PCDH9: variants seen among roughly 807,000 people sequenced by gnomAD.
PCDH9 encodes protocadherin 9, also known as protocadherin-9.
Under a neutral mutation model 70.6 loss-of-function variants are expected in PCDH9, and 24 were observed. That is an observed-to-expected ratio of 0.34 (90% CI 0.25 to 0.48). The LOEUF is 0.48. Among genes scored for constraint, PCDH9 ranks in the 20% least tolerant of loss-of-function variants. The pLI, the probability that PCDH9 is intolerant of heterozygous loss-of-function variation, is 0.99. For missense variants in PCDH9, 1,281 were observed against 1,503.6 expected, an observed-to-expected ratio of 0.85 and a Z score of 2.45; for synonymous variants, 562 against 558.5, an observed-to-expected ratio of 1.01 and a Z score of -0.09.
intron 2 of PCDH9, among the ~76,000 whole-genome samples, chr13:67,168,972 T>C (rs914012584): frequency 6.6e-6 from 1 of 152,200 alleles, no homozygotes; most frequent in Non-Finnish European, 1.5e-5. Flanking sequence ...CCAGTAGATG[T>C]TTAATAAATG....
chr13:66,855,378 T>C (rs1332333050), intron 3 of PCDH9, among the ~76,000 whole-genome samples: 4 of 152,118 alleles, frequency 2.6e-5, no homozygotes, highest in Non-Finnish European at 5.9e-5. Flanking sequence ...GTTGTAATAA[T>C]GTCTTGATTG....
At chr13:66,904,665 T>C (rs1317530816) in intron 2 of PCDH9, among the ~76,000 whole-genome samples, 2 of 152,122 alleles carry the variant, frequency 1.3e-5, no homozygotes, top group Non-Finnish European at 2.9e-5. Context: ...ACCTTTACTA[T>C]CTCAAAGTAA....
At chr13:66,795,988 C>T (rs4883790) in intron 3 of PCDH9, among the ~76,000 whole-genome samples, 13,700 of 152,162 alleles carry the variant, frequency 0.09, 887 homozygotes, top group East Asian at 0.32. Context: ...GCTGTCTGCA[C>T]GCTGCCTCCT....
chr13:67,047,420 A>C (rs2085244019), intron 2 of PCDH9, among the ~76,000 whole-genome samples: 1 of 152,234 alleles, frequency 6.6e-6, no homozygotes, highest in Non-Finnish European at 1.5e-5. Context: ...TCTCATATAT[A>C]AATAAGTCAC....
At chr13:67,007,510 T>C (rs1308489244) in intron 2 of PCDH9, among the ~76,000 whole-genome samples, 1 of 152,192 alleles carries the variant, frequency 6.6e-6, no homozygotes, top group East Asian at 1.9e-4. Context: ...TTCAGTTGGC[T>C]TTAAAATTCT....
chr13:66,851,119 C>G (rs972453706), intron 3 of PCDH9, among the ~76,000 whole-genome samples: 1 of 152,100 alleles, frequency 6.6e-6, no homozygotes, highest in Admixed American at 6.6e-5. Context: ...TAAAGTATAA[C>G]AAAAGACAGG....
chr13:66,564,587 C>A (rs1318424821), intron 4 of PCDH9, among the ~76,000 whole-genome samples: 115 of 152,076 alleles, frequency 7.6e-4, no homozygotes, highest in Non-Finnish European at 8.8e-5. Flanking sequence ...AAACTAAAAT[C>A]AACAGCCTTC....
intron 4 of PCDH9, among the ~76,000 whole-genome samples, chr13:66,532,480 A>C (rs1376329193): frequency 6.6e-6 from 1 of 152,204 alleles, no homozygotes; most frequent in East Asian, 1.9e-4. Context: ...ATATTTAAAC[A>C]AAAATTCTTG....
intron 2 of PCDH9, among the ~76,000 whole-genome samples, chr13:67,112,843 C>G (rs935407886): frequency 6.6e-6 from 1 of 152,042 alleles, no homozygotes; most frequent in African/African-American, 2.4e-5. Flanking sequence ...CTCAGCTTCC[C>G]GAGTAGCTGG....
chr13:67,153,752 G>A (rs2087722905), intron 2 of PCDH9, among the ~76,000 whole-genome samples: 1 of 152,160 alleles, frequency 6.6e-6, no homozygotes, highest in African/African-American at 2.4e-5. Flanking sequence ...GGTTTCTACT[G>A]TGATTCTTTT....
At chr13:66,388,132 C>T (rs1226201146) in intron 4 of PCDH9, among the ~76,000 whole-genome samples, 3 of 152,056 alleles carry the variant, frequency 2.0e-5, no homozygotes, top group Admixed American at 2.0e-4. Context: ...AAATTTTATC[C>T]ATGACCACTC....
intron 3 of PCDH9, among the ~76,000 whole-genome samples, chr13:66,711,672 T>A (rs539500069): frequency 6.6e-6 from 1 of 152,312 alleles, no homozygotes; most frequent in African/African-American, 2.4e-5. Flanking sequence ...AAATTAGAGT[T>A]AATGTTACTT....
At chr13:66,385,770 G>T (rs901978963) in intron 4 of PCDH9, among the ~76,000 whole-genome samples, 1 of 152,080 alleles carries the variant, frequency 6.6e-6, no homozygotes, top group Non-Finnish European at 1.5e-5. Flanking sequence ...GAGTTAAATG[G>T]GTCTATTTAC....
At chr13:67,031,398 T>G (rs1388902525) in intron 2 of PCDH9, among the ~76,000 whole-genome samples, 1 of 152,156 alleles carries the variant, frequency 6.6e-6, no homozygotes, top group East Asian at 1.9e-4. Context: ...TGTTTATTAG[T>G]CAATGTTTAT....
At chr13:66,686,905 C>A (rs766711849) in intron 3 of PCDH9, among the ~76,000 whole-genome samples, 6 of 152,136 alleles carry the variant, frequency 3.9e-5, no homozygotes, top group Admixed American at 1.3e-4. Context: ...AACCTCCAAA[C>A]TTTAATCAGA....
chr13:66,650,295 C>G (rs1382870763), intron 3 of PCDH9, among the ~76,000 whole-genome samples: 1 of 151,762 alleles, frequency 6.6e-6, no homozygotes, highest in Non-Finnish European at 1.5e-5. Context: ...AAAAGTCATT[C>G]TATGCAAATG....
intron 4 of PCDH9, among the ~76,000 whole-genome samples, chr13:66,378,309 T>C (rs1956785849): frequency 1.3e-5 from 2 of 152,250 alleles, no homozygotes; most frequent in Admixed American, 6.5e-5. Flanking sequence ...TAATCCATCC[T>C]GAGTTCATTT....
At chr13:67,032,686 AT>A (rs1434661208) in intron 2 of PCDH9, among the ~76,000 whole-genome samples, 1 of 152,184 alleles carries the variant, frequency 6.6e-6, no homozygotes, top group Non-Finnish European at 1.5e-5. Flanking sequence ...CATGCTATTT[AT>A]TTTGAATTAT....
chr13:66,960,641 C>T (rs2083331060), intron 2 of PCDH9, among the ~76,000 whole-genome samples: 1 of 152,036 alleles, frequency 6.6e-6, no homozygotes, highest in South Asian at 2.1e-4. Context: ...ATATTTTAGC[C>T]ATTGATGTTA....
Sources: gnomAD v4.1 joint callset for allele counts (sites outside exome capture counted in the v4.1 genomes callset) on GRCh38, gnomAD v4.1.1 for gene constraint, MANE v1.5 for transcripts, NCBI Gene and HGNC (gene_info 2026-07-23, HGNC 2026-07-21) for gene names.